Variants in ASTN2 observed in about 807,000 individuals in gnomAD.
The protein encoded by ASTN2 is astrotactin 2.
ASTN2 carries 54 observed loss-of-function variants against 139.8 expected under a neutral mutation model. The ratio of observed to expected loss-of-function variants is 0.39; its 90% CI spans 0.31 to 0.48. The LOEUF is 0.48. Ranked by LOEUF, ASTN2 falls within the 20% of genes least tolerant of loss-of-function variation. ASTN2 has a pLI of 0.95. For missense variants in ASTN2, 1,565 were observed against 1,725.1 expected (o/e 0.91, Z 1.64); for synonymous variants, 756 against 719.5 (o/e 1.05, Z -0.81).
At chr9:117,044,559 G>A (rs972571892) in intron 5 of ASTN2, among the ~76,000 whole-genome samples, 9 of 152,166 alleles carry the variant, frequency 5.9e-5, no homozygotes, top group African/African-American at 2.2e-4. Flanking sequence ...GTTGTAGACA[G>A]CCCTGAGGTG....
chr9:116,689,729 T>G (rs1860469048), intron 16 of ASTN2, among the ~76,000 whole-genome samples: 1 of 152,154 alleles, frequency 6.6e-6, no homozygotes, highest in Admixed American at 6.5e-5. Flanking sequence ...GGGGTAAATC[T>G]CTCTGATTAG....
At chr9:117,249,460 T>C (rs1057416873) in intron 2 of ASTN2, among the ~76,000 whole-genome samples, 1 of 152,174 alleles carries the variant, frequency 6.6e-6, no homozygotes, top group Non-Finnish European at 1.5e-5. Flanking sequence ...TTTAAGATCA[T>C]TTTGCCCAGA....
rs1305130001 is a variant in ASTN2, at chr9:116,803,499, TATATATATATATATATATATA to T, written c.2396+2112_2396+2132del. Among the ~76,000 whole-genome samples, 15 of 5,886 alleles carry T rather than the reference TATATATATATATATATATATA, an allele frequency of 2.5e-3. 1 individual carries two copies. Among genetic ancestry groups the T allele is most frequent in the Admixed American group, 0.013 (5 of 380 alleles). 3.9% of individuals were successfully genotyped at this position (5,886 alleles called of 152,430 possible). On this transcript the variant is annotated intron_variant, in intron 13 of 22. Transcript: ENST00000313400. ...TTCGAATAATATATATATATATATA[TATATATATATATATATATATA>T]TATTTTTTTTTTTTTTTTTTTTTAG...
At chr9:117,281,905 G>A (rs1834334580) in intron 2 of ASTN2, among the ~76,000 whole-genome samples, 2 of 151,952 alleles carry the variant, frequency 1.3e-5, no homozygotes, top group Non-Finnish European at 2.9e-5. Context: ...CCTCAGCCTC[G>A]GATCACCCCG....
chr9:117,412,781 ATACCTTC>A (rs1381193623), intron 1 of ASTN2, among the ~76,000 whole-genome samples: 1 of 152,164 alleles, frequency 6.6e-6, no homozygotes, highest in African/African-American at 2.4e-5. Context: ...TAGTGAAGGG[ATACCTTC>A]TGTGTCTCTA....
chr9:116,770,113 A>AAAC (rs755646923), intron 13 of ASTN2, among the ~76,000 whole-genome samples: 6 of 151,792 alleles, frequency 4.0e-5, no homozygotes, highest in Admixed American at 2.6e-4. Flanking sequence ...TAAAAAAAAA[A>AAAC]AAAAAACTAA....
At chr9:117,048,929 A>G (rs370819517) in intron 5 of ASTN2, among the ~76,000 whole-genome samples, 5 of 144,486 alleles carry the variant, frequency 3.5e-5, no homozygotes, top group African/African-American at 1.3e-4. Flanking sequence ...GAAAACAGAA[A>G]TAGAATCTGT....
intron 3 of ASTN2, among the ~76,000 whole-genome samples, chr9:117,175,927 A>G (rs541853526): frequency 6.8e-4 from 104 of 152,206 alleles, no homozygotes; most frequent in African/African-American, 2.5e-3. Context: ...AAACTAAAAC[A>G]TAAGTCATAG....
intron 18 of ASTN2, among the ~76,000 whole-genome samples, chr9:116,618,729 A>T (rs1855978620): frequency 6.6e-6 from 1 of 152,184 alleles, no homozygotes; most frequent in South Asian, 2.1e-4. Context: ...CATGCACACA[A>T]TATGTGCTCA....
At chr9:116,675,099 C>G (rs374298723) in intron 16 of ASTN2, among the ~76,000 whole-genome samples, 1 of 152,276 alleles carries the variant, frequency 6.6e-6, no homozygotes, top group South Asian at 2.1e-4. Context: ...TCAGTGCCCC[C>G]CCACGCTCCA....
chr9:117,008,112 T>C lies in ASTN2; in HGVS notation c.1571A>G (p.Gln524Arg). The C allele has an allele frequency of 6.3e-7, 1 of 1,598,424 alleles. No individual in the cohort carries two copies. The highest frequency in any genetic ancestry group is 8.5e-7 in the Non-Finnish European group (1 of 1,171,966). Reference sequence around the variant, plus strand: ...CTCACCGGTTTCTGGGTCGCAGAGCTGCTCACAGGCATCTGTCGTCCTTTG... The same window carrying C: ...CTCACCGGTTTCTGGGTCGCAGAGCCGCTCACAGGCATCTGTCGTCCTTTG... ...CGQRTTDACE[Q>R]LCDPETGECS... Residue 524 changes from glutamine to arginine, a missense_variant, in exon 7 of 23, where the codon CAG becomes CGG. Gln to Arg is a conservative substitution (Grantham distance 43). Coordinates refer to ENST00000313400, the MANE Select transcript of ASTN2 (RefSeq NM_001365068.1).
At chr9:117,078,801 C>A (rs1349502381) in intron 5 of ASTN2, among the ~76,000 whole-genome samples, 1 of 152,096 alleles carries the variant, frequency 6.6e-6, no homozygotes, top group African/African-American at 2.4e-5. Context: ...AGTGGCACGA[C>A]TTTGGCTCAC....
chr9:116,947,318 TCA>T (rs1221053186), intron 10 of ASTN2, among the ~76,000 whole-genome samples: 2 of 152,344 alleles, frequency 1.3e-5, no homozygotes, highest in African/African-American at 2.4e-5. Flanking sequence ...TGTGAACGTC[TCA>T]CAGAGACATC....
intron 1 of ASTN2, among the ~76,000 whole-genome samples, chr9:117,320,132 T>C (rs1358628143): frequency 6.6e-6 from 1 of 152,182 alleles, no homozygotes. Context: ...TTAGAGATTA[T>C]TATTATTTCC....
At chr9:117,311,517 T>G (rs1253463939) in intron 1 of ASTN2, among the ~76,000 whole-genome samples, 2 of 152,136 alleles carry the variant, frequency 1.3e-5, no homozygotes, top group East Asian at 3.9e-4. Flanking sequence ...TCTCAGAGCC[T>G]CAGCATCAGA....
At chr9:116,950,391 A>C (rs947976458) in intron 10 of ASTN2, among the ~76,000 whole-genome samples, 1 of 152,188 alleles carries the variant, frequency 6.6e-6, no homozygotes, top group Admixed American at 6.5e-5. Context: ...AGAAATGACA[A>C]AAAGAAAGTA....
At chr9:116,445,580 A>T (rs1334546045) in intron 20 of ASTN2, among the ~76,000 whole-genome samples, 1 of 152,174 alleles carries the variant, frequency 6.6e-6, no homozygotes, top group Non-Finnish European at 1.5e-5. Flanking sequence ...AGCATGAATA[A>T]GAGAGCCCCC....
intron 1 of ASTN2, among the ~76,000 whole-genome samples, chr9:117,329,119 T>C (rs1339096696): frequency 6.6e-6 from 1 of 150,924 alleles, no homozygotes; most frequent in Non-Finnish European, 1.5e-5. Context: ...GGAAGACTTC[T>C]AGGAAGCAGC....
chr9:116,658,863 TTTTA>T (rs577695278), intron 16 of ASTN2, among the ~76,000 whole-genome samples: 1 of 151,246 alleles, frequency 6.6e-6, no homozygotes, highest in South Asian at 2.1e-4. Context: ...GATACGGAGA[TTTTA>T]TTTGTCAAAA....
Sources: allele counts gnomAD v4.1 joint callset (sites outside exome capture counted in the v4.1 genomes callset), GRCh38; gene constraint gnomAD v4.1.1; transcripts MANE v1.5; gene names NCBI Gene and HGNC (gene_info 2026-07-23, HGNC 2026-07-21).